RSF1: variants seen among roughly 807,000 people sequenced by gnomAD.
RSF1 encodes HBV pX-associated protein 8.
RSF1 carries 13 observed loss-of-function variants against 145.2 expected under a neutral mutation model. That is an observed-to-expected ratio of 0.09 (90% CI 0.06 to 0.14). The LOEUF is 0.14. RSF1 is among the 10% of genes least tolerant of loss of function. The pLI is 1.00. For missense variants in RSF1, 1,517 were observed against 1,718.2 expected, an observed-to-expected ratio of 0.88 and a Z score of 2.07; for synonymous variants, 577 against 592.6, an observed-to-expected ratio of 0.97 and a Z score of 0.38.
chr11:77,746,015 A>G (rs1376274557), intron 3 of RSF1, among the ~76,000 whole-genome samples: 1 of 152,152 alleles, frequency 6.6e-6, no homozygotes, highest in Admixed American at 6.5e-5. Flanking sequence ...ATACTAAAGT[A>G]TTACATACTT....
At chr11:77,783,116 A>G (rs1469869016) in intron 1 of RSF1, among the ~76,000 whole-genome samples, 1 of 152,206 alleles carries the variant, frequency 6.6e-6, no homozygotes, top group Non-Finnish European at 1.5e-5. Flanking sequence ...TCTTTAACTC[A>G]ATACAGTCTA....
chr11:77,707,305 T>C (rs1357551176), intron 5 of RSF1, among the ~76,000 whole-genome samples: 1 of 152,160 alleles, frequency 6.6e-6, no homozygotes, highest in Admixed American at 6.5e-5. Context: ...ATACTTTTCA[T>C]GAGGTAGCTT....
chr11:77,715,507 G>A (rs1437800269), intron 5 of RSF1, among the ~76,000 whole-genome samples: 2 of 152,140 alleles, frequency 1.3e-5, no homozygotes, highest in Non-Finnish European at 2.9e-5. Flanking sequence ...GAGTGCAGTA[G>A]CGCAATCTTG....
rs146024631 is a variant in RSF1, at chr11:77,773,701, C to T, written c.188-9012G>A. On this transcript the variant is annotated intron_variant, in intron 1 of 15. Coordinates refer to ENST00000308488, the MANE Select transcript of RSF1 (RefSeq NM_016578.4). Reference sequence around the variant, plus strand: ...CATAGACAATGCCTAACCTACAAAGCGGCTCTATCCCACTGAAACCCACAC... The same window carrying T: ...CATAGACAATGCCTAACCTACAAAGTGGCTCTATCCCACTGAAACCCACAC... Among the ~76,000 whole-genome samples the T allele has an allele frequency of 7.7e-3, 1,167 of 152,182 alleles. 15 individuals are homozygous for T. Among genetic ancestry groups the T allele is most frequent in the African/African-American group, 0.026 (1,099 of 41,500 alleles).
Position 77,820,005 on chromosome 11 carries a change from T to G in RSF1, c.187+523A>C, listed in dbSNP as rs553772881. 1.4e-3 allele frequency among the ~76,000 whole-genome samples: 217 copies of G among 152,072 alleles called. 1 individual carries two copies. Among genetic ancestry groups the G allele is most frequent in the African/African-American group, 3.6e-3 (148 of 41,468 alleles). ...CCCAACAGAGGGAGGGAGAGTTGAGTGTCCGCTGGCCCCCGCCCACCCAGG... is the reference window on the plus strand; with the variant it reads ...CCCAACAGAGGGAGGGAGAGTTGAGGGTCCGCTGGCCCCCGCCCACCCAGG... On this transcript the variant is annotated intron_variant, in intron 1 of 15. Transcript: ENST00000308488.
chr11:77,801,099 T>C (rs1484262535), intron 1 of RSF1, among the ~76,000 whole-genome samples: 1 of 152,176 alleles, frequency 6.6e-6, no homozygotes, highest in Non-Finnish European at 1.5e-5. Flanking sequence ...TCCCAATTCA[T>C]TTTATAAGGC....
chr11:77,689,900 A>T (rs1021091117), intron 9 of RSF1, among the ~76,000 whole-genome samples: 27 of 152,170 alleles, frequency 1.8e-4, no homozygotes, highest in African/African-American at 6.5e-4. Context: ...ACAGTGGCTC[A>T]CGCCTGTAAT....
chr11:77,731,041 A>T (rs879537328), intron 4 of RSF1, among the ~76,000 whole-genome samples: 33 of 152,152 alleles, frequency 2.2e-4, no homozygotes, highest in Non-Finnish European at 4.1e-4. Context: ...AGGTTGGAAG[A>T]GTTTGGAGGG....
chr11:77,716,933 T>G (rs192328704), intron 5 of RSF1, among the ~76,000 whole-genome samples: 210 of 152,088 alleles, frequency 1.4e-3, no homozygotes, highest in African/African-American at 4.5e-3. Context: ...ATCCTTGCAC[T>G]TTGGGAGGCC....
At chr11:77,698,025 C>T (rs1960324903) in intron 7 of RSF1, among the ~76,000 whole-genome samples, 1 of 152,176 alleles carries the variant, frequency 6.6e-6, no homozygotes, top group South Asian at 2.1e-4. Flanking sequence ...ATCTATCCAG[C>T]CATCCATGAG....
the RSF1 span, chr11:77,869,113 G>T: frequency 3.8e-6 from 1 of 265,272 alleles, no homozygotes; most frequent in Non-Finnish European, 7.4e-6. Flanking sequence ...GTACCATGTG[G>T]CCAAAGGAAC....
At chr11:77,745,195 GTT>G (rs1477338828) in intron 3 of RSF1, among the ~76,000 whole-genome samples, 2 of 151,882 alleles carry the variant, frequency 1.3e-5, no homozygotes, top group Non-Finnish European at 2.9e-5. Flanking sequence ...AAGGTTGTCA[GTT>G]TTGTTTATCT....
At chr11:77,863,200 G>A in the RSF1 span, among the ~76,000 whole-genome samples, 3 of 152,150 alleles carry the variant, frequency 2.0e-5, no homozygotes, top group East Asian at 5.8e-4. Context: ...AGCTTGATTA[G>A]GACGAACCCG....
At chr11:77,806,467 T>C (rs146949741) in intron 1 of RSF1, among the ~76,000 whole-genome samples, 1,704 of 152,204 alleles carry the variant, frequency 0.011, 16 homozygotes, top group South Asian at 0.024. Flanking sequence ...TCTCAGGCAC[T>C]ATTATAAAAC....
At chr11:77,793,671 G>C (rs1948543071) in intron 1 of RSF1, among the ~76,000 whole-genome samples, 1 of 152,152 alleles carries the variant, frequency 6.6e-6, no homozygotes, top group African/African-American at 2.4e-5. Context: ...TGCGACATCT[G>C]TCACTCCACT....
intron 1 of RSF1, among the ~76,000 whole-genome samples, chr11:77,791,910 C>T (rs1290059415): frequency 6.6e-6 from 1 of 152,172 alleles, no homozygotes; most frequent in Non-Finnish European, 1.5e-5. Flanking sequence ...ATGTTCCAAC[C>T]TCTGCCTGTT....
the RSF1 span, chr11:77,842,463 T>C: frequency 3.7e-6 from 6 of 1,607,570 alleles, no homozygotes; most frequent in South Asian, 4.4e-5. Flanking sequence ...TTAGTATATT[T>C]TTCTTTTAAT....
chr11:77,832,096 C>G, the RSF1 span: 1 of 151,932 alleles, frequency 6.6e-6, no homozygotes, highest in African/African-American at 2.4e-5. Flanking sequence ...AAGTCCAAAT[C>G]TCTTGACATA....
chr11:77,810,724 C>T (rs1010725507), intron 1 of RSF1, among the ~76,000 whole-genome samples: 1 of 152,056 alleles, frequency 6.6e-6, no homozygotes, highest in Non-Finnish European at 1.5e-5. Flanking sequence ...CCACATCCAA[C>T]TAATTTGTAT....
Sources: allele counts gnomAD v4.1 joint callset (sites outside exome capture counted in the v4.1 genomes callset), GRCh38; gene constraint gnomAD v4.1.1; transcripts MANE v1.5; gene names NCBI Gene and HGNC (gene_info 2026-07-23, HGNC 2026-07-21).